The following WNT8B variants were observed in gnomAD, a reference collection of about 807,000 sequenced individuals.
The protein encoded by WNT8B is Wnt family member 8B, also known as protein Wnt-8b.
A neutral mutation model predicts 36.6 loss-of-function variants in WNT8B; 24 were observed. That is an observed-to-expected ratio of 0.66 (90% CI 0.48 to 0.92). The LOEUF (loss-of-function observed/expected upper bound fraction) is 0.92, where lower values mean the gene tolerates loss of function less well. Among genes scored for constraint, WNT8B ranks in the 40% least tolerant of loss-of-function variants. The pLI, the probability that WNT8B is intolerant of heterozygous loss-of-function variation, is 0.00. For missense variants in WNT8B, 402 were observed against 470.8 expected, an observed-to-expected ratio of 0.85 and a Z score of 1.35; for synonymous variants, 199 against 189.8, an observed-to-expected ratio of 1.05 and a Z score of -0.40.
chr10:100,483,714 T>C lies in WNT8B; in HGVS notation c.*898T>C, dbSNP rs552526188. The C allele has an allele frequency of 3.9e-5, 6 of 152,324 alleles. No homozygotes were observed. The South Asian group carries it at 1.2e-3, about 32-fold the overall frequency. 9.4% of individuals were successfully genotyped at this position (152,324 alleles called of 1,614,324 possible). ...AAGACTGAGGTAAATAAAGCCACTT[T>C]CCTCTTCAGATCCTGGTCTGCACCT... On this transcript the variant is annotated 3_prime_UTR_variant, in exon 6 of 6. Transcript: ENST00000343737.
At chr10:100,480,091 G>T in intron 3 of WNT8B, 79 bp downstream of exon 3, 1 of 1,516,890 alleles carries the variant, frequency 6.6e-7, no homozygotes, top group South Asian at 1.3e-5. Context: ...TTGCCTCCTC[G>T]ACACCCTTAT....
At chr10:100,481,381 C>A (rs753373274) in intron 4 of WNT8B, among the ~76,000 whole-genome samples, 1 of 152,116 alleles carries the variant, frequency 6.6e-6, no homozygotes, top group Non-Finnish European at 1.5e-5. Flanking sequence ...TCCTCTGTTG[C>A]TTCTCTCAAA....
In WNT8B at chr10:100,477,545, T is replaced by C. The variant is rs529388223; in HGVS notation, c.69-1507T>C. The stretch of plus-strand genomic sequence containing the variant: ...CGATCTCCTGACCTCATGATCTGCC[T>C]GCCTTGGCCTCCCAAAGTGCTAGGA... On this transcript the variant is annotated intron_variant, in intron 1 of 5. Coordinates refer to ENST00000343737, the MANE Select transcript of WNT8B (RefSeq NM_003393.4). Among the ~76,000 whole-genome samples, 6 of 152,218 alleles carry C rather than the reference T, an allele frequency of 3.9e-5. No individual in the cohort carries two copies. In the East Asian group the frequency reaches 1.2e-3, roughly 29 times the overall value.
intron 1 of WNT8B, 74 bp from the exon 2 acceptor site, chr10:100,478,978 T>C (rs1851075158): frequency 1.5e-6 from 2 of 1,331,382 alleles, no homozygotes; most frequent in East Asian, 2.3e-5. Flanking sequence ...AAGTAATTCT[T>C]ACCACTCTTG....
Position 100,482,488 on chromosome 10 carries a change from C to A in WNT8B, c.728C>A (p.Thr243Asn). Residue 243 changes from threonine (T) to asparagine (N), a missense_variant, in exon 6 of 6, where the codon ACC becomes AAC. By Grantham distance (65) the Thr-to-Asn change is moderately conservative. Coordinates refer to ENST00000343737, the MANE Select transcript of WNT8B (RefSeq NM_003393.4). This position sits in a 1 kb window ranked among gnomAD's most constrained non-coding sequence, Gnocchi z 6.6. The part of the protein sequence containing the change: ...AIADTFRSIS[T>N]RELVHLEDSP... Reference sequence around the variant, plus strand: ...GCCGACACCTTTCGCTCCATCTCTACCCGGGAGCTGGTGCACCTGGAGGAC... The same window carrying A: ...GCCGACACCTTTCGCTCCATCTCTAACCGGGAGCTGGTGCACCTGGAGGAC... 6.2e-7 allele frequency: 1 copy of A among 1,602,684 alleles called. No individual in the cohort carries two copies. The highest frequency in any genetic ancestry group is 1.1e-5 in the South Asian group (1 of 91,058).
Position 100,482,201 on chromosome 10 carries a change from A to C in WNT8B, c.511-70A>C, listed in dbSNP as rs1006534644. 6.5e-7 allele frequency: 1 copy of C among 1,533,364 alleles called. No homozygotes were observed. Among genetic ancestry groups the C allele is most frequent in the Non-Finnish European group, 8.7e-7 (1 of 1,143,188 alleles). The allele number at this position is 1,533,364 out of a possible 1,614,324, so 95.0% of individuals were successfully genotyped here. A position where few individuals can be genotyped will look rare whatever the true frequency, so the allele number is the denominator to read the frequency against. On this transcript the variant is annotated intron_variant, in intron 5 of 5. Transcript: ENST00000343737. This position sits in a 1 kb window ranked among gnomAD's most constrained non-coding sequence, Gnocchi z 6.6. ...CAGTAGACTAACTAGACTTCTCGCA[A>C]CTCCCACAGGGGCAGTTAAACTCGC... is the stretch of plus-strand genomic sequence containing the variant.
intron 2 of WNT8B, among the ~76,000 whole-genome samples, chr10:100,479,386 G>A (rs921025446): frequency 3.3e-5 from 5 of 152,152 alleles, no homozygotes; most frequent in Non-Finnish European, 5.9e-5. Flanking sequence ...TCAGTGCCCC[G>A]TGGTGGGATG....
chr10:100,473,474 A>G (rs1851001027), intron 1 of WNT8B, among the ~76,000 whole-genome samples: 1 of 152,206 alleles, frequency 6.6e-6, no homozygotes. Context: ...GAATCTAGTC[A>G]GTTTCCATGA....
intron 1 of WNT8B, among the ~76,000 whole-genome samples, chr10:100,471,549 T>C (rs1359806079): frequency 6.6e-6 from 1 of 152,270 alleles, no homozygotes; most frequent in Non-Finnish European, 1.5e-5. Context: ...GTGCAAAACA[T>C]GGCTTAGGCC....
At chr10:100,472,014 A>T (rs1850983041) in intron 1 of WNT8B, among the ~76,000 whole-genome samples, 1 of 151,644 alleles carries the variant, frequency 6.6e-6, no homozygotes, top group South Asian at 2.1e-4. Context: ...GGCCAACATT[A>T]TGAAACCCCA....
At position 100,481,916 on chromosome 10, in the gene WNT8B, ACAAGGCTGG is replaced by A. The variant is rs1402420361; in HGVS notation, c.374_382del (p.Gln125_Trp127del). The A allele has an allele frequency of 6.2e-7, 1 of 1,611,414 alleles. No individual in the cohort carries two copies. Among genetic ancestry groups the A allele is most frequent in the Non-Finnish European group, 8.5e-7 (1 of 1,178,738 alleles). On this transcript the variant is annotated inframe_deletion, in exon 5 of 6. Transcript: ENST00000343737. Reference sequence around the variant, plus strand: ...CCTCCCTCTGCACTTTTCCAGGGGGACAAGGCTGGCTGTGGGGAGGCTGCAGTGACAATG... The same window carrying A: ...CCTCCCTCTGCACTTTTCCAGGGGGACTGTGGGGAGGCTGCAGTGACAATG...
chr10:100,477,331 C>T (rs1032036280), intron 1 of WNT8B, among the ~76,000 whole-genome samples: 6 of 151,846 alleles, frequency 4.0e-5, no homozygotes, highest in South Asian at 2.1e-4. Flanking sequence ...GTTGGAGTCT[C>T]GGTCTGTTAC....
intron 1 of WNT8B, among the ~76,000 whole-genome samples, chr10:100,470,799 T>C (rs1387438681): frequency 6.6e-6 from 1 of 152,258 alleles, no homozygotes; most frequent in Non-Finnish European, 1.5e-5. Flanking sequence ...TGGAGCGCAG[T>C]GGCGCAATCT....
In WNT8B at chr10:100,481,896, C is replaced by T; in HGVS notation, c.368-16C>T. The T allele has an allele frequency of 1.2e-6, 2 of 1,613,990 alleles. No individual in the cohort carries two copies. The highest frequency in any genetic ancestry group is 2.2e-5 in the East Asian group (1 of 44,870). ...CCGCTTGCTCAATGACCTGTCCTCC[C>T]TCTGCACTTTTCCAGGGGGACAAGG... is the stretch of plus-strand genomic sequence containing the variant. On this transcript the variant is annotated splice_polypyrimidine_tract_variant and intron_variant, in intron 4 of 5. Coordinates refer to ENST00000343737, the MANE Select transcript of WNT8B (RefSeq NM_003393.4).
At chr10:100,463,721 A>T (rs557026226) in intron 1 of WNT8B, among the ~76,000 whole-genome samples, 1 of 152,272 alleles carries the variant, frequency 6.6e-6, no homozygotes, top group Admixed American at 6.5e-5. Flanking sequence ...GACATAAAAA[A>T]TTTTATTTGA....
intron 4 of WNT8B, among the ~76,000 whole-genome samples, chr10:100,481,555 T>C (rs1374221882): frequency 6.6e-6 from 1 of 152,160 alleles, no homozygotes; most frequent in Non-Finnish European, 1.5e-5. Flanking sequence ...GCTTTCCTCA[T>C]CTTTTTGGCA....
At position 100,481,956 on chromosome 10, in the gene WNT8B, T is replaced by C. The variant is rs772074360; in HGVS notation, c.412T>C (p.Phe138Leu). The C allele has an allele frequency of 6.2e-7, 1 of 1,614,062 alleles. No homozygotes were observed. The highest frequency in any genetic ancestry group is 2.2e-5 in the East Asian group (1 of 44,852). Residue 138 changes from phenylalanine (F) to leucine (L), a missense_variant, in exon 5 of 6, where the codon TTC becomes CTC. Coordinates refer to ENST00000343737, the MANE Select transcript of WNT8B (RefSeq NM_003393.4). ...LWGGCSDNVG[F>L]GEAISKQFVD... ...GGGAGGCTGCAGTGACAATGTGGGC[T>C]TCGGAGAGGCGATTTCCAAGCAGTT...
chr10:100,479,138 A>C, intron 2 of WNT8B, 53 bp downstream of exon 2: 1 of 1,501,954 alleles, frequency 6.7e-7, no homozygotes, highest in Middle Eastern at 1.9e-4. Flanking sequence ...TAGCCTGTTG[A>C]CTAAAGATGA....
At chr10:100,475,575 G>A (rs1287982203) in intron 1 of WNT8B, among the ~76,000 whole-genome samples, 1 of 152,096 alleles carries the variant, frequency 6.6e-6, no homozygotes, top group Non-Finnish European at 1.5e-5. Context: ...CTGTAGTTCC[G>A]GCTTAGACTC....
Sources: gnomAD v4.1 joint callset for allele counts (sites outside exome capture counted in the v4.1 genomes callset) on GRCh38, gnomAD v4.1.1 for gene constraint, Gnocchi (gnomAD v3.1) non-coding constraint, MANE v1.5 for transcripts, NCBI Gene and HGNC (gene_info 2026-07-23, HGNC 2026-07-21) for gene names.